The following ZNF385D variants were observed in gnomAD, a reference collection of about 807,000 sequenced individuals.
The protein encoded by ZNF385D is zinc finger protein 385D, also known as zinc finger protein 659.
Under a neutral mutation model 35.8 loss-of-function variants are expected in ZNF385D, and 15 were observed. The ratio of observed to expected loss-of-function variants is 0.42; its 90% CI spans 0.28 to 0.64. The LOEUF is 0.64. Among genes scored for constraint, ZNF385D ranks in the 30% least tolerant of loss-of-function variants. The pLI is 0.23. For synonymous variants in ZNF385D, 212 were observed against 186.8 expected (o/e 1.13, Z -1.10); for missense variants, 474 against 494.6 (o/e 0.96, Z 0.39).
intron 2 of ZNF385D, among the ~76,000 whole-genome samples, chr3:22,253,130 C>T (rs1326085986): frequency 1.3e-5 from 2 of 151,962 alleles, no homozygotes; most frequent in South Asian, 4.1e-4. Flanking sequence ...AATGGATAGA[C>T]TGTGGTGACA....
At position 21,543,479 on chromosome 3, in the gene ZNF385D, C is replaced by A. The variant is rs549596127; in HGVS notation, c.276+21095G>T. 1.4e-4 allele frequency among the ~76,000 whole-genome samples: 21 copies of A among 152,304 alleles called. No homozygotes were observed. In the South Asian group the frequency reaches 4.1e-3, roughly 30 times the overall value. Reference sequence around the variant, plus strand: ...CAGCAGTTCCCAGCCGCTCCCCACTCCTTGCGGGGCTGGGATGCATGGCCT... The same window carrying A: ...CAGCAGTTCCCAGCCGCTCCCCACTACTTGCGGGGCTGGGATGCATGGCCT... On this transcript the variant is annotated intron_variant, in intron 3 of 7. Coordinates refer to ENST00000281523, the MANE Select transcript of ZNF385D (RefSeq NM_024697.3).
intron 1 of ZNF385D, among the ~76,000 whole-genome samples, chr3:21,680,424 C>T (rs2066862403): frequency 6.6e-6 from 1 of 152,000 alleles, no homozygotes; most frequent in Admixed American, 6.6e-5. Flanking sequence ...CTTTCCTAAC[C>T]ATCAACTAAA....
rs1438722226 is a variant in ZNF385D at position 21,750,980 on chromosome 3, G to A, written c.-64C>T. On this transcript the variant is annotated 5_prime_UTR_variant, in exon 1 of 8. It adds an upstream start codon to the 5' untranslated region. Transcript: ENST00000281523. ...ATCAGCTCTCACCCAAGGCTGGCAC[G>A]TAGAGCAGAGCCCTTTCATGCTACA... is the stretch of plus-strand genomic sequence containing the variant. 2.6e-5 allele frequency: 42 copies of A among 1,613,298 alleles called. No homozygotes were observed. The highest frequency in any genetic ancestry group is 3.5e-5 in the Non-Finnish European group (41 of 1,179,772).
chr3:22,194,914 T>C (rs1696307709), intron 2 of ZNF385D, among the ~76,000 whole-genome samples: 1 of 151,968 alleles, frequency 6.6e-6, no homozygotes, highest in Non-Finnish European at 1.5e-5. Context: ...CACTAGCGTT[T>C]TTCCAAATTT....
At chr3:22,364,730 G>A (rs1696573694) in intron 2 of ZNF385D, among the ~76,000 whole-genome samples, 1 of 152,088 alleles carries the variant, frequency 6.6e-6, no homozygotes, top group Non-Finnish European at 1.5e-5. Context: ...TAGCAATTCT[G>A]CTTCTGAATA....
At chr3:21,832,089 T>TTTC (rs10662717) in intron 3 of ZNF385D, among the ~76,000 whole-genome samples, 2 of 151,868 alleles carry the variant, frequency 1.3e-5, no homozygotes, top group East Asian at 3.9e-4. Context: ...AATAATTTGT[T>TTTC]CACGTATTTC....
intron 1 of ZNF385D, among the ~76,000 whole-genome samples, chr3:21,676,730 C>T (rs1024917735): frequency 5.3e-5 from 8 of 151,992 alleles, no homozygotes; most frequent in East Asian, 1.9e-4. Context: ...ATAAACCACT[C>T]GCTAAATGGT....
At chr3:22,006,354 T>C (rs1431128492) in intron 3 of ZNF385D, among the ~76,000 whole-genome samples, 2 of 152,148 alleles carry the variant, frequency 1.3e-5, no homozygotes, top group African/African-American at 2.4e-5. Flanking sequence ...TGTTTCTACA[T>C]GTTTTTCAAG....
chr3:21,995,870 G>A (rs185676915), intron 3 of ZNF385D, among the ~76,000 whole-genome samples: 110 of 152,136 alleles, frequency 7.2e-4, no homozygotes, highest in Admixed American at 6.4e-3. Flanking sequence ...ATACACTTTG[G>A]TTCTCTTTGT....
chr3:21,706,103 T>C (rs568229687), intron 1 of ZNF385D, among the ~76,000 whole-genome samples: 1 of 152,314 alleles, frequency 6.6e-6, no homozygotes, highest in Admixed American at 6.5e-5. Context: ...GTCCTTAGAA[T>C]AGTTACTCAT....
chr3:22,180,914 C>CTTTTTTTTTTTTTTTTTTT lies in ZNF385D; in HGVS notation c.107-11880_107-11879insAAAAAAAAAAAAAAAAAAA, dbSNP rs61668943. 2.1e-4 allele frequency among the ~76,000 whole-genome samples: 24 copies of CTTTTTTTTTTTTTTTTTTT among 112,936 alleles called. 1 individual carries two copies. Among genetic ancestry groups the CTTTTTTTTTTTTTTTTTTT allele is most frequent in the African/African-American group, 3.8e-4 (9 of 23,786 alleles). The allele number at this position is 112,936 out of a possible 152,430, so 74.1% of individuals were successfully genotyped here. A position where few individuals can be genotyped will look rare whatever the true frequency, so the allele number is the denominator to read the frequency against. On this transcript the variant is annotated intron_variant, in intron 2 of 5. Coordinates refer to the ZNF385D transcript ENST00000494108. ...AATCCAGTAGCTATATGCTTTTGTTCTTTTTTTTTTTTTTTTAAGAGACAG... is the reference window on the plus strand; with the variant it reads ...AATCCAGTAGCTATATGCTTTTGTTCTTTTTTTTTTTTTTTTTTTTTTTTTTTTTTTTTTTAAGAGACAG...
intron 4 of ZNF385D, among the ~76,000 whole-genome samples, chr3:21,493,600 GC>G (rs1361450820): frequency 1.3e-5 from 2 of 151,646 alleles, no homozygotes; most frequent in Non-Finnish European, 2.9e-5. Context: ...GCATTTATGG[GC>G]CATGAACAAA....
intron 3 of ZNF385D, among the ~76,000 whole-genome samples, chr3:22,117,327 G>A (rs752316707): frequency 3.9e-5 from 6 of 152,000 alleles, no homozygotes; most frequent in Non-Finnish European, 8.8e-5. Flanking sequence ...AGATAAGCAG[G>A]TTGCAAAATG....
At chr3:22,156,765 C>G (rs1225271756) in intron 3 of ZNF385D, among the ~76,000 whole-genome samples, 2 of 152,164 alleles carry the variant, frequency 1.3e-5, no homozygotes, top group South Asian at 2.1e-4. Flanking sequence ...TGTAGACTCC[C>G]ATTTAAAGGA....
At chr3:22,251,632 T>A (rs1700068893) in intron 2 of ZNF385D, among the ~76,000 whole-genome samples, 1 of 152,088 alleles carries the variant, frequency 6.6e-6, no homozygotes, top group South Asian at 2.1e-4. Context: ...CAGTAGTGAA[T>A]CCCTCCCCCA....
intron 2 of ZNF385D, among the ~76,000 whole-genome samples, chr3:22,370,924 CACAG>C (rs1432033928): frequency 3.3e-5 from 5 of 152,190 alleles, no homozygotes; most frequent in African/African-American, 1.2e-4. Flanking sequence ...TTTCTCCTAA[CACAG>C]ACAACTTCCA....
intron 4 of ZNF385D, among the ~76,000 whole-genome samples, chr3:21,473,619 C>T (rs573683772): frequency 1.1e-4 from 16 of 152,152 alleles, no homozygotes; most frequent in African/African-American, 3.6e-4. Context: ...AACCTGTCTA[C>T]TAAAACAAAG....
intron 3 of ZNF385D, among the ~76,000 whole-genome samples, chr3:21,837,126 T>A (rs1258891008): frequency 6.6e-6 from 1 of 152,146 alleles, no homozygotes; most frequent in Admixed American, 6.6e-5. Flanking sequence ...CAAAGCTAAG[T>A]GAAATTTTTT....
intron 2 of ZNF385D, among the ~76,000 whole-genome samples, chr3:22,262,879 T>C (rs1423487340): frequency 6.6e-6 from 1 of 151,952 alleles, no homozygotes; most frequent in African/African-American, 2.4e-5. Flanking sequence ...CCCCAGATCT[T>C]TCTCATATTA....
Sources: gnomAD v4.1 joint callset for allele counts (sites outside exome capture counted in the v4.1 genomes callset) on GRCh38, gnomAD v4.1.1 for gene constraint, MANE v1.5 for transcripts, NCBI Gene and HGNC (gene_info 2026-07-23, HGNC 2026-07-21) for gene names.